NXN: variants seen among roughly 807,000 people sequenced by gnomAD.
The protein encoded by NXN is nucleoredoxin.
Under a neutral mutation model 48.6 loss-of-function variants are expected in NXN, and 16 were observed. The observed-to-expected ratio is 0.33, with a 90% CI of 0.22 to 0.50. NXN has a LOEUF of 0.50. NXN is among the 20% of genes least tolerant of loss of function. NXN has a pLI of 0.98. For missense variants in NXN, 492 were observed against 605.5 expected (o/e 0.81, Z 1.97); for synonymous variants, 281 against 269.6 (o/e 1.04, Z -0.41).
chr17:810,826 T>A (rs1480819751), intron 5 of NXN, among the ~76,000 whole-genome samples: 17 of 152,036 alleles, frequency 1.1e-4, no homozygotes, highest in Admixed American at 9.2e-4. Flanking sequence ...GAGGCAGAGC[T>A]TGCAGTGAGC....
chr17:895,928 C>T (rs2068479621), intron 1 of NXN, among the ~76,000 whole-genome samples: 4 of 152,124 alleles, frequency 2.6e-5, no homozygotes, highest in Admixed American at 1.3e-4. Flanking sequence ...TGTTGATGGG[C>T]TGGGGGCAGT....
chr17:857,663 T>A (rs1005497204), intron 1 of NXN, among the ~76,000 whole-genome samples: 11 of 152,162 alleles, frequency 7.2e-5, no homozygotes, highest in Non-Finnish European at 1.2e-4. Flanking sequence ...AAGCTGAGCA[T>A]AAAAGCTGTA....
At chr17:835,067 G>A (rs898727307) in intron 1 of NXN, among the ~76,000 whole-genome samples, 3 of 151,664 alleles carry the variant, frequency 2.0e-5, no homozygotes, top group Non-Finnish European at 4.4e-5. Flanking sequence ...CCAGCACTTT[G>A]GGAGGCCGAG....
chr17:899,264 A>G (rs1206207348), intron 1 of NXN, among the ~76,000 whole-genome samples: 3 of 152,170 alleles, frequency 2.0e-5, no homozygotes, highest in African/African-American at 4.8e-5. Flanking sequence ...CGGCCTGTGC[A>G]TGCTTTTCTT....
At chr17:832,599 C>T (rs540179630) in intron 1 of NXN, among the ~76,000 whole-genome samples, 98 of 152,126 alleles carry the variant, frequency 6.4e-4, no homozygotes, top group Non-Finnish European at 1.2e-3. Context: ...AAAGAAGAAC[C>T]AGTTTCTTCT....
At chr17:842,958 AAGAAAGAG>A (rs1263592986) in intron 1 of NXN, among the ~76,000 whole-genome samples, 2,450 of 136,238 alleles carry the variant, frequency 0.018, 54 homozygotes, top group Middle Eastern at 0.034. Context: ...AAAGGAAAGA[AAGAAAGAG>A]AGAAAGAGAG....
At chr17:852,829 T>G (rs2067938885) in intron 1 of NXN, among the ~76,000 whole-genome samples, 1 of 151,404 alleles carries the variant, frequency 6.6e-6, no homozygotes, top group Non-Finnish European at 1.5e-5. Context: ...TGACCAGAAG[T>G]GTTTAATGCA....
intron 1 of NXN, among the ~76,000 whole-genome samples, chr17:968,570 C>T (rs952339530): frequency 3.3e-5 from 5 of 152,006 alleles, no homozygotes; most frequent in African/African-American, 1.2e-4. Flanking sequence ...AGCTCTCTCA[C>T]ACAAACAAGC....
Position 890,550 on chromosome 17 carries a change from A to AT in NXN, c.361-64473dup, listed in dbSNP as rs71145787. Among the ~76,000 whole-genome samples the AT allele has an allele frequency of 2.7e-3, 390 of 146,910 alleles. 4 individuals are homozygous for AT. The highest frequency in any genetic ancestry group is 8.8e-3 in the African/African-American group (348 of 39,756). ...CCAGCACGCCCGGCTAATTTTTTGT[A>AT]TTTTTTTTTTTAGTAGAGATGGGGT... On this transcript the variant is annotated intron_variant, in intron 1 of 7. Coordinates refer to ENST00000336868, the MANE Select transcript of NXN (RefSeq NM_022463.5).
chr17:812,983 CAT>C (rs1175508446), intron 5 of NXN, among the ~76,000 whole-genome samples: 3 of 151,246 alleles, frequency 2.0e-5, no homozygotes, highest in Admixed American at 6.6e-5. Flanking sequence ...TGTGTGTGCA[CAT>C]GTGAATGTAG....
At chr17:924,269 T>C (rs1342537553) in intron 1 of NXN, among the ~76,000 whole-genome samples, 1 of 152,118 alleles carries the variant, frequency 6.6e-6, no homozygotes, top group Non-Finnish European at 1.5e-5. Context: ...GGAGTTTCGC[T>C]CTTATTGCCC....
At chr17:913,423 G>T (rs1238699651) in intron 1 of NXN, among the ~76,000 whole-genome samples, 1 of 152,154 alleles carries the variant, frequency 6.6e-6, no homozygotes, top group Non-Finnish European at 1.5e-5. Flanking sequence ...TGGCTTAGCT[G>T]TTTCAACACA....
rs144207899 is a variant in NXN at position 826,284 on chromosome 17, G to A, written c.361-206C>T. 9.2e-3 allele frequency among the ~76,000 whole-genome samples: 1,395 copies of A among 152,184 alleles called. 12 individuals carry two copies. The highest frequency in any genetic ancestry group is 0.011 in the Non-Finnish European group (730 of 68,008). Reference sequence around the variant, plus strand: ...CCCCCGGGGTCTGTGACAGTGCGGGGGGCTCCGAGGAGGGAGGTGATGGTC... The same window carrying A: ...CCCCCGGGGTCTGTGACAGTGCGGGAGGCTCCGAGGAGGGAGGTGATGGTC... On this transcript the variant is annotated intron_variant, in intron 1 of 7. Coordinates refer to ENST00000336868, the MANE Select transcript of NXN (RefSeq NM_022463.5).
chr17:808,681 T>G (rs1911730171), intron 5 of NXN, among the ~76,000 whole-genome samples: 1 of 149,654 alleles, frequency 6.7e-6, no homozygotes, highest in African/African-American at 2.5e-5. Flanking sequence ...AACCAGTTTT[T>G]TTTTTTTTTT....
At chr17:949,754 C>T (rs999603028) in intron 1 of NXN, among the ~76,000 whole-genome samples, 1 of 150,776 alleles carries the variant, frequency 6.6e-6, no homozygotes, top group South Asian at 2.2e-4. Context: ...TCTGTTAGGA[C>T]CCACCTCCCT....
intron 1 of NXN, among the ~76,000 whole-genome samples, chr17:871,861 A>G (rs555581660): frequency 6.6e-6 from 1 of 152,022 alleles, no homozygotes; most frequent in Non-Finnish European, 1.5e-5. Flanking sequence ...TATGAACCAC[A>G]TATCACCAAG....
At chr17:880,189 G>A (rs150191150) in intron 1 of NXN, 3 of 152,280 alleles carry the variant, frequency 2.0e-5, no homozygotes, top group East Asian at 1.9e-4. Context: ...CCTGGTCCCC[G>A]GAGACAACAC....
chr17:887,736 G>C (rs1174011383), intron 1 of NXN, among the ~76,000 whole-genome samples: 1 of 151,986 alleles, frequency 6.6e-6, no homozygotes, highest in Non-Finnish European at 1.5e-5. Context: ...TATGGCTTGA[G>C]GGGGAAAAAA....
chr17:862,785 T>C (rs551569597), intron 1 of NXN, among the ~76,000 whole-genome samples: 69 of 152,280 alleles, frequency 4.5e-4, no homozygotes, highest in Admixed American at 2.6e-3. Context: ...CAACAGGAGC[T>C]CTGCGGCATT....
Sources: allele counts gnomAD v4.1 joint callset (sites outside exome capture counted in the v4.1 genomes callset), GRCh38; gene constraint gnomAD v4.1.1; transcripts MANE v1.5; gene names NCBI Gene and HGNC (gene_info 2026-07-23, HGNC 2026-07-21).